The following PRTFDC1 variants were observed in gnomAD, a reference collection of about 807,000 sequenced individuals.
PRTFDC1 encodes the protein phosphoribosyltransferase domain-containing protein 1.
In PRTFDC1, 38 loss-of-function variants were observed where a neutral mutation model predicts 34.6. That is an observed-to-expected ratio of 1.10 (90% CI 0.85 to 1.44). The LOEUF (loss-of-function observed/expected upper bound fraction) is 1.44. PRTFDC1 is among the 40% of genes most tolerant of loss of function. PRTFDC1 has a pLI of 0.00. For synonymous variants in PRTFDC1, 93 were observed against 98.1 expected (o/e 0.95, Z 0.31); for missense variants, 270 against 283.0 (o/e 0.95, Z 0.33).
intron 3 of PRTFDC1, among the ~76,000 whole-genome samples, chr10:24,894,479 G>A (rs1848317148): frequency 6.6e-6 from 1 of 152,182 alleles, no homozygotes; most frequent in East Asian, 1.9e-4. Context: ...GCAGGCTCTG[G>A]ACAGGCAAGG....
At chr10:24,898,286 C>CAAAAAAA (rs34691185) in intron 3 of PRTFDC1, among the ~76,000 whole-genome samples, 32 of 75,176 alleles carry the variant, frequency 4.3e-4, no homozygotes, top group Non-Finnish European at 6.3e-4. Flanking sequence ...CCCGTCTCTA[C>CAAAAAAA]AAAAAAAAAA....
Position 24,854,981 on chromosome 10 carries a change from C to T in PRTFDC1, c.553+337G>A, listed in dbSNP as rs182013635. 3.9e-5 allele frequency among the ~76,000 whole-genome samples: 6 copies of T among 152,286 alleles called. No individual in the cohort carries two copies. The East Asian group carries it at 7.7e-4, about 20-fold the overall frequency. Reference sequence around the variant, plus strand: ...ATCCTATGTGTCTGAGTCAGTCCAGCGGGATCAGGTCTTCCTCTACTCCCT... The same window carrying T: ...ATCCTATGTGTCTGAGTCAGTCCAGTGGGATCAGGTCTTCCTCTACTCCCT... On this transcript the variant is annotated intron_variant, in intron 7 of 8. Transcript: ENST00000320152.
intron 3 of PRTFDC1, among the ~76,000 whole-genome samples, chr10:24,901,726 C>A (rs1193793207): frequency 6.6e-6 from 1 of 152,150 alleles, no homozygotes; most frequent in Admixed American, 6.5e-5. Flanking sequence ...AAGACCCAGT[C>A]TCAAATAAGT....
At position 24,856,905 on chromosome 10, in the gene PRTFDC1, C is replaced by T; in HGVS notation, c.506+8G>A. ...TAGAAATCACCATGCTATGAATGTC[C>T]AACTCACCTGGCTACCTTAATCATG... On this transcript the variant is annotated splice_region_variant and intron_variant, in intron 6 of 8. Transcript: ENST00000320152. 1 of 1,602,028 alleles carries T rather than the reference C, an allele frequency of 6.2e-7. No individual in the cohort carries two copies. The highest frequency in any genetic ancestry group is 8.6e-7 in the Non-Finnish European group (1 of 1,168,988).
At chr10:24,943,845 A>G (rs1254906886) in intron 1 of PRTFDC1, among the ~76,000 whole-genome samples, 1 of 152,036 alleles carries the variant, frequency 6.6e-6, no homozygotes, top group Non-Finnish European at 1.5e-5. Context: ...AGCCAGCACA[A>G]CTGGCCTCAG....
chr10:24,885,703 C>A (rs1370788394), intron 3 of PRTFDC1, among the ~76,000 whole-genome samples: 2 of 152,228 alleles, frequency 1.3e-5, no homozygotes, highest in African/African-American at 4.8e-5. Context: ...CCGCACCTGG[C>A]CAGCAGCTTT....
chr10:24,851,829 C>CA (rs1847495220), intron 7 of PRTFDC1, among the ~76,000 whole-genome samples: 1 of 151,560 alleles, frequency 6.6e-6, no homozygotes, highest in South Asian at 2.1e-4. Context: ...GAAACACTCT[C>CA]AACAACACAA....
At chr10:24,942,169 CATACATTCATTTT>C (rs1017161595) in intron 2 of PRTFDC1, among the ~76,000 whole-genome samples, 148 bp downstream of exon 2, 1 of 152,222 alleles carries the variant, frequency 6.6e-6, no homozygotes, top group African/African-American at 2.4e-5. Flanking sequence ...TCAATTTAAG[CATACATTCATTTT>C]ATTCCAAATT....
At chr10:24,865,092 G>T (rs142159647) in intron 4 of PRTFDC1, among the ~76,000 whole-genome samples, 1,537 of 152,146 alleles carry the variant, frequency 0.01, 22 homozygotes, top group African/African-American at 0.034. Flanking sequence ...CTCCAGCCTG[G>T]GTGACAGAGT....
chr10:24,951,075 A>G (rs969592662), intron 1 of PRTFDC1, among the ~76,000 whole-genome samples: 1 of 151,978 alleles, frequency 6.6e-6, no homozygotes, highest in East Asian at 1.9e-4. Context: ...GTTTTTGTAA[A>G]AGCATAAATC....
intron 1 of PRTFDC1, among the ~76,000 whole-genome samples, chr10:24,951,030 C>A (rs1230861279): frequency 1.3e-5 from 2 of 152,128 alleles, no homozygotes; most frequent in Non-Finnish European, 2.9e-5. Flanking sequence ...CATCACACCG[C>A]TAGGCTTGCC....
intron 4 of PRTFDC1, among the ~76,000 whole-genome samples, chr10:24,862,122 T>A (rs546967549): frequency 5.3e-5 from 8 of 152,304 alleles, no homozygotes; most frequent in Admixed American, 2.0e-4. Flanking sequence ...GTATATAAAA[T>A]TTTTATGTGC....
At chr10:24,942,224 TATAA>T (rs1588626120) in intron 2 of PRTFDC1, 102 bp downstream of exon 2, 1 of 873,512 alleles carries the variant, frequency 1.1e-6, no homozygotes, top group African/African-American at 1.7e-5. Flanking sequence ...TCTCTACCAC[TATAA>T]AACGCAGCTC....
At chr10:24,855,400 T>C (rs749611364) in intron 6 of PRTFDC1, 36 bp from the exon 7 acceptor site, 1 of 1,606,678 alleles carries the variant, frequency 6.2e-7, no homozygotes, top group Non-Finnish European at 8.5e-7. Flanking sequence ...GTGAACCCAA[T>C]CAAATCTCTA....
chr10:24,932,594 G>T (rs1848988368), intron 3 of PRTFDC1, among the ~76,000 whole-genome samples: 1 of 151,866 alleles, frequency 6.6e-6, no homozygotes, highest in Non-Finnish European at 1.5e-5. Context: ...AACCAAATAT[G>T]CCTAAGATCT....
intron 6 of PRTFDC1, among the ~76,000 whole-genome samples, chr10:24,856,498 G>C (rs1018130609): frequency 1.3e-5 from 2 of 152,146 alleles, no homozygotes; most frequent in African/African-American, 4.8e-5. Flanking sequence ...TGAGGCATCA[G>C]AATTGTTTGA....
chr10:24,891,792 A>G (rs574239698), intron 3 of PRTFDC1, among the ~76,000 whole-genome samples: 1 of 152,280 alleles, frequency 6.6e-6, no homozygotes, highest in South Asian at 2.1e-4. Flanking sequence ...AAAATATATG[A>G]AACAACAGTT....
intron 3 of PRTFDC1, among the ~76,000 whole-genome samples, chr10:24,890,753 T>TTA (rs1327005071): frequency 1.3e-5 from 2 of 152,124 alleles, no homozygotes; most frequent in African/African-American, 4.8e-5. Context: ...CAGAAGCAGG[T>TTA]TATATTCAGA....
intron 3 of PRTFDC1, among the ~76,000 whole-genome samples, chr10:24,927,071 G>A (rs1189675441): frequency 1.3e-5 from 2 of 152,068 alleles, no homozygotes; most frequent in Non-Finnish European, 2.9e-5. Flanking sequence ...AATGGGCTTT[G>A]GTTTCACTTT....
Sources: gnomAD v4.1 joint callset for allele counts (sites outside exome capture counted in the v4.1 genomes callset) on GRCh38, gnomAD v4.1.1 for gene constraint, MANE v1.5 for transcripts, NCBI Gene and HGNC (gene_info 2026-07-23, HGNC 2026-07-21) for gene names.